The following NCKAP5 variants were observed in gnomAD, a reference collection of about 807,000 sequenced individuals.
NCKAP5 encodes the protein nck-associated protein 5.
NCKAP5 carries 92 observed loss-of-function variants against 167.0 expected under a neutral mutation model. That is an observed-to-expected ratio of 0.55 (90% CI 0.47 to 0.66). The LOEUF (loss-of-function observed/expected upper bound fraction) is 0.66, where lower values mean the gene tolerates loss of function less well. Among genes scored for constraint, NCKAP5 ranks in the 30% least tolerant of loss-of-function variants. The pLI, the probability that NCKAP5 is intolerant of heterozygous loss-of-function variation, is 0.00. For missense variants in NCKAP5, 2,378 were observed against 2,315.0 expected (o/e 1.03, Z -0.56); for synonymous variants, 891 against 877.4 (o/e 1.02, Z -0.27).
At chr2:132,908,186 A>C (rs1694157153) in intron 8 of NCKAP5, among the ~76,000 whole-genome samples, 1 of 152,092 alleles carries the variant, frequency 6.6e-6, no homozygotes, top group Admixed American at 6.5e-5. Flanking sequence ...GGGGTTACAC[A>C]AAACATTTTT....
chr2:132,946,665 G>T (rs553783673), intron 8 of NCKAP5, among the ~76,000 whole-genome samples: 3 of 152,178 alleles, frequency 2.0e-5, no homozygotes, highest in Non-Finnish European at 4.4e-5. Flanking sequence ...GGGAAGCCGA[G>T]GGGGGTGGAT....
chr2:133,240,953 C>G (rs530756177), intron 4 of NCKAP5, among the ~76,000 whole-genome samples: 20 of 152,266 alleles, frequency 1.3e-4, no homozygotes, highest in African/African-American at 4.8e-4. Flanking sequence ...AAAGAAAAAA[C>G]AATTTTGCTA....
intron 5 of NCKAP5, among the ~76,000 whole-genome samples, chr2:133,184,759 T>C (rs773448308): frequency 6.6e-6 from 1 of 152,202 alleles, no homozygotes; most frequent in Non-Finnish European, 1.5e-5. Flanking sequence ...TGCTTCCATG[T>C]ATTCTTTTGA....
chr2:132,777,209 A>G (rs1682628138), intron 15 of NCKAP5, among the ~76,000 whole-genome samples: 1 of 152,176 alleles, frequency 6.6e-6, no homozygotes, highest in Non-Finnish European at 1.5e-5. Context: ...AGTTCTAGTT[A>G]GGAACTACTC....
the NCKAP5 span, among the ~76,000 whole-genome samples, chr2:133,661,605 A>G: frequency 6.6e-6 from 1 of 152,188 alleles, no homozygotes; most frequent in South Asian, 2.1e-4. Flanking sequence ...TATCGCTACC[A>G]TAATGCGATC....
chr2:132,920,771 G>GTATATATATATGTATA (rs1695335035), intron 8 of NCKAP5, among the ~76,000 whole-genome samples: 2 of 31,580 alleles, frequency 6.3e-5, no homozygotes, highest in Admixed American at 8.8e-4. Flanking sequence ...ATATATGTAT[G>GTATATATATATGTATA]TATATATATA....
At chr2:132,690,825 C>G (rs1484846987) in intron 19 of NCKAP5, among the ~76,000 whole-genome samples, 2 of 152,142 alleles carry the variant, frequency 1.3e-5, no homozygotes, top group Non-Finnish European at 2.9e-5. Context: ...CTGTGCTGTT[C>G]CTAGCAGCAC....
At chr2:133,266,654 A>T (rs1444003903) in intron 4 of NCKAP5, among the ~76,000 whole-genome samples, 1 of 152,170 alleles carries the variant, frequency 6.6e-6, no homozygotes, top group African/African-American at 2.4e-5. Flanking sequence ...TGCCATGTCC[A>T]GAGCGCGGAG....
chr2:133,007,681 C>G (rs955792905), intron 6 of NCKAP5, among the ~76,000 whole-genome samples: 3 of 152,096 alleles, frequency 2.0e-5, no homozygotes, highest in Non-Finnish European at 4.4e-5. Flanking sequence ...CAGTTCAGCT[C>G]AAGCTTACTG....
intron 3 of NCKAP5, among the ~76,000 whole-genome samples, chr2:133,405,849 T>G (rs1688393026): frequency 6.6e-6 from 1 of 152,214 alleles, no homozygotes; most frequent in Admixed American, 6.5e-5. Flanking sequence ...ATCCCCAGCA[T>G]CTATGACAGA....
rs754142581 is a variant in NCKAP5 at position 132,731,753 on chromosome 2, G to A, written c.5427C>T (p.Pro1809=). ...RGMRPLQSRL[P]KPASSGKVSS... ...GCATTTTACCTGAGGAAGCTGGTTT[G>A]GGGAGGCGGCTCTGAAGAGGCCTCA... is the stretch of plus-strand genomic sequence containing the variant. Residue 1809 remains proline (P), a synonymous_variant, in exon 17 of 20, where the codon CCC becomes CCT. Transcript: ENST00000409261. 6.3e-7 allele frequency: 1 copy of A among 1,592,622 alleles called. No individual in the cohort carries two copies. Among genetic ancestry groups the A allele is most frequent in the South Asian group, 1.1e-5 (1 of 89,842 alleles).
intron 6 of NCKAP5, among the ~76,000 whole-genome samples, chr2:133,027,115 T>C (rs1403884624): frequency 7.2e-5 from 11 of 152,180 alleles, no homozygotes; most frequent in Non-Finnish European, 1.6e-4. Flanking sequence ...TTTCAAGTAA[T>C]AATGGCGTCT....
chr2:132,963,503 C>T (rs1400144021), intron 8 of NCKAP5, among the ~76,000 whole-genome samples: 1 of 152,198 alleles, frequency 6.6e-6, no homozygotes, highest in Non-Finnish European at 1.5e-5. Flanking sequence ...AAATCAATTA[C>T]TGCCCTATGT....
intron 3 of NCKAP5, among the ~76,000 whole-genome samples, chr2:133,348,540 C>T (rs906803156): frequency 1.3e-5 from 2 of 152,152 alleles, no homozygotes; most frequent in African/African-American, 4.8e-5. Context: ...CATGTTTTCA[C>T]ATCCCCAAAG....
chr2:133,504,046 G>T (rs1170953672), intron 3 of NCKAP5, among the ~76,000 whole-genome samples: 1 of 151,958 alleles, frequency 6.6e-6, no homozygotes, highest in East Asian at 1.9e-4. Flanking sequence ...TACCCTCTGT[G>T]ATCTGTTTTC....
chr2:133,399,272 G>A (rs1687947519), intron 3 of NCKAP5, among the ~76,000 whole-genome samples: 1 of 152,104 alleles, frequency 6.6e-6, no homozygotes, highest in Non-Finnish European at 1.5e-5. Context: ...CAGGAAGAGG[G>A]GTGGAATTTT....
chr2:133,046,666 A>G (rs574674946), intron 6 of NCKAP5, among the ~76,000 whole-genome samples: 8 of 152,310 alleles, frequency 5.3e-5, no homozygotes, highest in Admixed American at 1.3e-4. Flanking sequence ...TGCATGAGCC[A>G]CTGCACTTGG....
intron 8 of NCKAP5, among the ~76,000 whole-genome samples, chr2:132,887,462 T>G (rs1011554661): frequency 4.6e-5 from 7 of 152,188 alleles, no homozygotes; most frequent in Admixed American, 3.3e-4. Flanking sequence ...ACTGCAATTA[T>G]GTTTGCACCA....
intron 6 of NCKAP5, among the ~76,000 whole-genome samples, chr2:133,044,243 C>T (rs952815866): frequency 6.6e-6 from 1 of 152,038 alleles, no homozygotes; most frequent in African/African-American, 2.4e-5. Flanking sequence ...GTCTGATAAA[C>T]ACAACTGCAT....
Sources: gnomAD v4.1 joint callset for allele counts (sites outside exome capture counted in the v4.1 genomes callset) on GRCh38, gnomAD v4.1.1 for gene constraint, MANE v1.5 for transcripts, NCBI Gene and HGNC (gene_info 2026-07-23, HGNC 2026-07-21) for gene names.